The following ABHD2 variants were observed in gnomAD, a reference collection of about 807,000 sequenced individuals.
ABHD2 encodes the protein abhydrolase domain containing 2, acylglycerol lipase.
In ABHD2, 20 loss-of-function variants were observed where a neutral mutation model predicts 48.1. That is an observed-to-expected ratio of 0.42 (90% confidence interval 0.29 to 0.60). The LOEUF is 0.60. Ranked by LOEUF, ABHD2 falls within the 20% of genes least tolerant of loss-of-function variation. The pLI is 0.24. For missense variants in ABHD2, 405 were observed against 550.9 expected (o/e 0.74, Z 2.65); for synonymous variants, 209 against 214.2 (o/e 0.98, Z 0.21).
chr15:89,110,850 A>AT (rs1450988167), intron 1 of ABHD2, among the ~76,000 whole-genome samples: 1 of 152,224 alleles, frequency 6.6e-6, no homozygotes, highest in Non-Finnish European at 1.5e-5. Flanking sequence ...TGCATTTGCT[A>AT]TTTAAAAAAA....
intron 3 of ABHD2, among the ~76,000 whole-genome samples, chr15:89,122,916 A>C (rs1296751369): frequency 1.3e-5 from 2 of 152,228 alleles, no homozygotes; most frequent in African/African-American, 2.4e-5. Context: ...AGTTGTCTTC[A>C]CTGGATCCAA....
the ABHD2 span, among the ~76,000 whole-genome samples, chr15:89,072,488 G>GAGGGGAAGGAGA: frequency 6.7e-6 from 1 of 148,556 alleles, no homozygotes; most frequent in East Asian, 2.0e-4. Flanking sequence ...AAGAGGAAAG[G>GAGGGGAAGGAGA]AGGGGAAGGA....
chr15:89,169,520 T>A (rs2050886733), intron 5 of ABHD2, among the ~76,000 whole-genome samples: 1 of 152,224 alleles, frequency 6.6e-6, no homozygotes, highest in African/African-American at 2.4e-5. Flanking sequence ...TAGAGTCTCA[T>A]TCAATGTTGG....
intron 3 of ABHD2, among the ~76,000 whole-genome samples, chr15:89,117,337 T>G (rs1427374552): frequency 6.6e-6 from 1 of 152,194 alleles, no homozygotes; most frequent in Non-Finnish European, 1.5e-5. Context: ...CAGATCTGTA[T>G]TTTGGAGGCA....
At chr15:89,043,590 AAGGAGGAGGAG>A in the ABHD2 span, among the ~76,000 whole-genome samples, 10 of 140,782 alleles carry the variant, frequency 7.1e-5, no homozygotes, top group Non-Finnish European at 1.5e-4. Flanking sequence ...GAAGAGGAAG[AAGGAGGAGGAG>A]AGGAGGAGGA....
the ABHD2 span, among the ~76,000 whole-genome samples, chr15:89,077,852 A>G: frequency 6.6e-6 from 1 of 152,214 alleles, no homozygotes; most frequent in Non-Finnish European, 1.5e-5. Context: ...TATGCCTATG[A>G]CTTCCATTAT....
intron 3 of ABHD2, chr15:89,136,603 T>C: frequency 5.5e-6 from 1 of 181,876 alleles, no homozygotes; most frequent in Non-Finnish European, 1.2e-5. Context: ...ATGGCTGTGA[T>C]ATCGGGAGCC....
At chr15:89,136,458 AT>A in intron 3 of ABHD2, 1 of 469,610 alleles carries the variant, frequency 2.1e-6, no homozygotes, top group Non-Finnish European at 4.2e-6. Flanking sequence ...ATATGATGGC[AT>A]TTTCTCTCTT....
In ABHD2 at chr15:89,097,232, T is replaced by C. The variant is rs1224965208; in HGVS notation, c.-107+8669T>C. On this transcript the variant is annotated intron_variant, in intron 1 of 10. Coordinates refer to ENST00000352732, the MANE Select transcript of ABHD2 (RefSeq NM_152924.5). The surrounding 1 kb of genome is among the most constrained non-coding windows in gnomAD (Gnocchi z 4.2). The stretch of plus-strand genomic sequence containing the variant: ...TCAACTCATAACCACTCACATTTAC[T>C]CTGTCTTCCTAGCTACTTCTCCCAG... Among the ~76,000 whole-genome samples the C allele has an allele frequency of 1.3e-5, 2 of 152,208 alleles. No homozygotes were observed. The highest frequency in any genetic ancestry group is 6.5e-5 in the Admixed American group (1 of 15,280).
At chr15:89,169,790 G>A (rs1048625486) in intron 5 of ABHD2, among the ~76,000 whole-genome samples, 1 of 151,964 alleles carries the variant, frequency 6.6e-6, no homozygotes, top group Admixed American at 6.6e-5. Flanking sequence ...TTTAAAACTG[G>A]TTAGATTCAT....
Position 89,201,302 on chromosome 15 carries a change from C to T in ABHD2, c.*5879C>T. On this transcript the variant is annotated 3_prime_UTR_variant, in exon 11 of 11. Transcript: ENST00000352732. ...TCTTTTACACTCTTCTGTTAGTTTC[C>T]TTGTTTCAGTATCATGAAGTGAAGC... 8.8e-7 allele frequency: 1 copy of T among 1,135,954 alleles called. No individual in the cohort carries two copies. The highest frequency in any genetic ancestry group is 1.3e-6 in the Non-Finnish European group (1 of 762,146). The allele number at this position is 1,135,954 out of a possible 1,614,324, so 70.4% of individuals were successfully genotyped here.
At position 89,151,788 on chromosome 15, in the gene ABHD2, T is replaced by C. The variant is rs1226679253; in HGVS notation, c.306T>C (p.Thr102=). ...PHPYGHRKFI[T]MSDGATSTFD... ...CTTATGGGCACCGGAAGTTCATCAC[T>C]ATGTCTGATGGAGCCACTTCTACAT... is the stretch of plus-strand genomic sequence containing the variant. The change falls in exon 4 of 11, where the codon ACT becomes ACC. Residue 102 remains threonine (T), a synonymous_variant. Transcript: ENST00000352732. This position sits in a 1 kb window ranked among gnomAD's most constrained non-coding sequence, Gnocchi z 4.7. 2 of 1,614,218 alleles carry C rather than the reference T, an allele frequency of 1.2e-6. No homozygotes were observed. The highest frequency in any genetic ancestry group is 1.7e-5 in the Admixed American group (1 of 60,034).
intron 3 of ABHD2, among the ~76,000 whole-genome samples, chr15:89,125,326 A>G (rs1046894920): frequency 6.6e-6 from 1 of 152,168 alleles, no homozygotes; most frequent in African/African-American, 2.4e-5. Context: ...TGATTGGCAG[A>G]ACTGTAGTGT....
chr15:89,043,483 GAA>G, the ABHD2 span, among the ~76,000 whole-genome samples: 160 of 149,182 alleles, frequency 1.1e-3, no homozygotes, highest in African/African-American at 3.8e-3. Context: ...AGGAGAGGAA[GAA>G]GGGGGAGGGG....
rs370112607 is a variant in ABHD2, at chr15:89,185,530, C to A, written c.815+14C>A. The A allele has an allele frequency of 6.2e-7, 1 of 1,609,408 alleles. No individual in the cohort carries two copies. The highest frequency in any genetic ancestry group is 8.5e-7 in the Non-Finnish European group (1 of 1,175,742). On this transcript the variant is annotated intron_variant, in intron 7 of 10. Transcript: ENST00000352732. The surrounding 1 kb of genome is among the most constrained non-coding windows in gnomAD (Gnocchi z 5.9). The stretch of plus-strand genomic sequence containing the variant: ...CCTCTCGCACAGGTAGGTCACCTTC[C>A]GTTCTCTCTCAGGAGACAGACAGTT...
chr15:89,148,132 A>C (rs1428197526), intron 3 of ABHD2, among the ~76,000 whole-genome samples: 2 of 150,452 alleles, frequency 1.3e-5, no homozygotes, highest in Admixed American at 6.6e-5. Context: ...AAAAAAAAAA[A>C]AAAAAAAAAC....
rs1387677309 is a variant in ABHD2, at chr15:89,091,682, C to G, written c.-107+3119C>G. Among the ~76,000 whole-genome samples, 1 of 152,172 alleles carries G rather than the reference C, an allele frequency of 6.6e-6. No homozygotes were observed. The highest frequency in any genetic ancestry group is 1.5e-5 in the Non-Finnish European group (1 of 68,018). ...CTTATTTTTTGCCTAAAATCTGGCT[C>G]TTTTAAAAGCCCCAGGAGAGAGACA... On this transcript the variant is annotated intron_variant, in intron 1 of 10. Transcript: ENST00000352732. This position sits in a 1 kb window ranked among gnomAD's most constrained non-coding sequence, Gnocchi z 5.5.
chr15:89,129,554 T>C (rs2050186912), intron 3 of ABHD2, among the ~76,000 whole-genome samples: 1 of 151,836 alleles, frequency 6.6e-6, no homozygotes, highest in Admixed American at 6.5e-5. Context: ...AAAGCCAAAT[T>C]GATTGAAGGT....
the ABHD2 span, among the ~76,000 whole-genome samples, chr15:89,043,656 G>GAGGAGGAGAGGGAGGAGGAGA: frequency 5.1e-5 from 7 of 137,706 alleles, no homozygotes; most frequent in African/African-American, 1.6e-4. Flanking sequence ...GGAGAAGGAG[G>GAGGAGGAGAGGGAGGAGGAGA]AGGAGGAGAG....
Sources: allele counts gnomAD v4.1 joint callset (sites outside exome capture counted in the v4.1 genomes callset), GRCh38; gene constraint gnomAD v4.1.1; non-coding constraint Gnocchi (gnomAD v3.1); transcripts MANE v1.5; gene names NCBI Gene and HGNC (gene_info 2026-07-23, HGNC 2026-07-21).